The following ASTN2 variants were observed in gnomAD, a reference collection of about 807,000 sequenced individuals.
ASTN2 encodes the protein astrotactin 2, also known as astrotactin-2.
In ASTN2, 54 loss-of-function variants were observed where a neutral mutation model predicts 139.8. The observed-to-expected ratio is 0.39, with a 90% confidence interval of 0.31 to 0.48. The LOEUF (loss-of-function observed/expected upper bound fraction) is 0.48. ASTN2 is among the 20% of genes least tolerant of loss of function. The probability of loss-of-function intolerance (pLI) is 0.95; values close to 1 mark genes in which losing one functional copy is unlikely to be tolerated. For missense variants in ASTN2, 1,565 were observed against 1,725.1 expected (o/e 0.91, Z 1.64); for synonymous variants, 756 against 719.5 (o/e 1.05, Z -0.81).
At chr9:117,344,833 T>G (rs1472680248) in intron 1 of ASTN2, among the ~76,000 whole-genome samples, 1 of 152,184 alleles carries the variant, frequency 6.6e-6, no homozygotes, top group Admixed American at 6.5e-5. Flanking sequence ...TGTGCAATAC[T>G]AATGTGAATG....
chr9:117,052,451 A>G (rs1302318978), intron 5 of ASTN2, among the ~76,000 whole-genome samples: 2 of 151,070 alleles, frequency 1.3e-5, no homozygotes, highest in African/African-American at 4.9e-5. Flanking sequence ...AAAAAAAAAA[A>G]GAAAGAAAGA....
intron 10 of ASTN2, among the ~76,000 whole-genome samples, chr9:116,908,366 C>A (rs1433466494): frequency 6.6e-6 from 1 of 151,950 alleles, no homozygotes; most frequent in East Asian, 1.9e-4. Context: ...AAAAGACCCA[C>A]CTCACAGAGT....
At chr9:117,342,525 G>A (rs1462544133) in intron 1 of ASTN2, among the ~76,000 whole-genome samples, 1 of 152,072 alleles carries the variant, frequency 6.6e-6, no homozygotes. Flanking sequence ...AATTTAGAAG[G>A]TCAGGTTTTC....
At chr9:116,496,451 A>C (rs960585319) in intron 19 of ASTN2, among the ~76,000 whole-genome samples, 8 of 152,150 alleles carry the variant, frequency 5.3e-5, no homozygotes, top group Admixed American at 4.6e-4. Flanking sequence ...GTATGGGGTA[A>C]AGGGCAGAGT....
intron 1 of ASTN2, among the ~76,000 whole-genome samples, chr9:117,405,601 T>G (rs554507785): frequency 6.6e-6 from 1 of 152,050 alleles, no homozygotes; most frequent in East Asian, 1.9e-4. Flanking sequence ...GGAAAACACA[T>G]AGGGGTCAGT....
At chr9:116,597,299 ATTTTTTT>A (rs757848093) in intron 19 of ASTN2, among the ~76,000 whole-genome samples, 5 of 75,532 alleles carry the variant, frequency 6.6e-5, no homozygotes, top group East Asian at 9.7e-4. Context: ...CTTTTGATCT[ATTTTTTT>A]TTTTTTTTTT....
At chr9:116,577,842 T>A (rs1299155336) in intron 19 of ASTN2, among the ~76,000 whole-genome samples, 1 of 152,126 alleles carries the variant, frequency 6.6e-6, no homozygotes, top group East Asian at 1.9e-4. Context: ...TGTAGGTGAA[T>A]CTCTTCTGAT....
chr9:116,557,748 T>C (rs542622967), intron 19 of ASTN2: 2 of 152,232 alleles, frequency 1.3e-5, no homozygotes, highest in African/African-American at 2.4e-5. Context: ...CCTACGTGTA[T>C]ATAAAGAATG....
At chr9:117,157,623 T>C (rs2132893538) in intron 3 of ASTN2, among the ~76,000 whole-genome samples, 1 of 152,102 alleles carries the variant, frequency 6.6e-6, no homozygotes, top group East Asian at 1.9e-4. Flanking sequence ...GGATGTTGAG[T>C]ATGGTATATC....
At chr9:117,128,875 G>A (rs1428848756) in intron 4 of ASTN2, among the ~76,000 whole-genome samples, 1 of 152,196 alleles carries the variant, frequency 6.6e-6, no homozygotes, top group East Asian at 1.9e-4. Flanking sequence ...GAGAGAATGA[G>A]GAAGATGCAA....
At chr9:117,176,041 C>A (rs563034027) in intron 3 of ASTN2, among the ~76,000 whole-genome samples, 5 of 150,302 alleles carry the variant, frequency 3.3e-5, no homozygotes, top group South Asian at 2.1e-4. Flanking sequence ...AAAAAAAAAA[C>A]CATCATAAAA....
intron 20 of ASTN2, among the ~76,000 whole-genome samples, chr9:116,481,479 T>C (rs1433806987): frequency 6.6e-6 from 1 of 152,228 alleles, no homozygotes. Context: ...TCTGATTTCA[T>C]AGGCCTAATT....
In ASTN2 at chr9:117,190,339, G is replaced by A. The variant is rs1831312520; in HGVS notation, c.1015+24019C>T. Among the ~76,000 whole-genome samples, 3 of 152,252 alleles carry A rather than the reference G, an allele frequency of 2.0e-5. No homozygotes were observed. In the South Asian group the frequency reaches 6.2e-4, roughly 32 times the overall value. On this transcript the variant is annotated intron_variant, in intron 3 of 22. Transcript: ENST00000313400. ...AAACAAAACAAAACATTATGTAGGG[G>A]CTAAATTCTGCCTGTGAGTTTCCAT... is the stretch of plus-strand genomic sequence containing the variant.
At chr9:116,935,095 G>A (rs745556125) in intron 10 of ASTN2, among the ~76,000 whole-genome samples, 5 of 152,188 alleles carry the variant, frequency 3.3e-5, no homozygotes, top group African/African-American at 4.8e-5. Flanking sequence ...ATTACAAAGG[G>A]TGCCAATTAA....
At chr9:116,831,226 G>A (rs181864269) in intron 11 of ASTN2, among the ~76,000 whole-genome samples, 17 of 152,158 alleles carry the variant, frequency 1.1e-4, no homozygotes, top group Admixed American at 9.2e-4. Flanking sequence ...AAGAGTATGA[G>A]GGTTGACAAA....
At position 116,439,193 on chromosome 9, in the gene ASTN2, C is replaced by CTT. The variant is rs1564277528; in HGVS notation, c.3782+1415_3782+1416insAA. Among the ~76,000 whole-genome samples, 224 of 102,780 alleles carry CTT rather than the reference C, an allele frequency of 2.2e-3. 12 individuals carry two copies. The highest frequency in any genetic ancestry group is 7.9e-3 in the African/African-American group (212 of 26,926). The allele number at this position is 102,780 out of a possible 152,430, so 67.4% of individuals were successfully genotyped here. ...TGATGTTGTGTTTTCTATTCAAATA[C>CTT]ATTTTTTTTTTTTTTTTTTTTTTTT... On this transcript the variant is annotated intron_variant, in intron 22 of 22. Coordinates refer to ENST00000313400, the MANE Select transcript of ASTN2 (RefSeq NM_001365068.1).
intron 10 of ASTN2, among the ~76,000 whole-genome samples, chr9:116,903,488 T>C (rs1343960408): frequency 6.6e-6 from 1 of 152,160 alleles, no homozygotes. Context: ...TAGGGTCTCT[T>C]AAGAAATGGA....
intron 20 of ASTN2, among the ~76,000 whole-genome samples, chr9:116,457,972 A>G (rs1848381279): frequency 6.6e-6 from 1 of 152,118 alleles, no homozygotes; most frequent in Non-Finnish European, 1.5e-5. Flanking sequence ...AGACTAATGG[A>G]TAAAGAAAAT....
At chr9:116,881,568 A>G (rs945318283) in intron 10 of ASTN2, among the ~76,000 whole-genome samples, 3 of 152,250 alleles carry the variant, frequency 2.0e-5, no homozygotes, top group African/African-American at 7.2e-5. Context: ...TTAAAGCACC[A>G]CATGCATTGC....
Sources: gnomAD v4.1 joint callset for allele counts (sites outside exome capture counted in the v4.1 genomes callset) on GRCh38, gnomAD v4.1.1 for gene constraint, MANE v1.5 for transcripts, NCBI Gene and HGNC (gene_info 2026-07-23, HGNC 2026-07-21) for gene names.